FAM184A: variants seen among roughly 807,000 people sequenced by gnomAD.
FAM184A encodes the protein protein FAM184A.
A neutral mutation model predicts 143.8 loss-of-function variants in FAM184A; 99 were observed. The observed-to-expected ratio is 0.69, with a 90% confidence interval of 0.58 to 0.81. The LOEUF is 0.81. FAM184A is among the 40% of genes least tolerant of loss of function. FAM184A has a pLI of 0.00. For synonymous variants in FAM184A, 427 were observed against 446.4 expected (o/e 0.96, Z 0.55); for missense variants, 1,217 against 1,310.5 (o/e 0.93, Z 1.10).
intron 1 of FAM184A, among the ~76,000 whole-genome samples, chr6:119,040,873 C>A (rs1023765424): frequency 6.6e-6 from 1 of 152,132 alleles, no homozygotes; most frequent in East Asian, 1.9e-4. Flanking sequence ...TACCCCAAGC[C>A]GCAAGTCCTC....
rs769906116 is a variant in FAM184A, at chr6:119,024,238, A to T, written c.735T>A (p.Ile245=). The T allele has an allele frequency of 1.9e-6, 3 of 1,614,106 alleles. No individual in the cohort carries two copies. Among genetic ancestry groups the T allele is most frequent in the Non-Finnish European group, 2.5e-6 (3 of 1,180,022 alleles). The change falls in exon 2 of 18, where the codon ATT becomes ATA. Residue 245 remains isoleucine, a synonymous_variant. Transcript: ENST00000338891. The stretch of plus-strand genomic sequence containing the variant: ...TATTCAACTTGCCTTCATAATCCTC[A>T]ATTAGTTTCTTCCGTTCAAGTCTTA... ...EELRLERKKL[I]EDYEGKLNKA...
intron 1 of FAM184A, among the ~76,000 whole-genome samples, chr6:119,063,564 C>T (rs1787336581): frequency 6.6e-6 from 1 of 152,052 alleles, no homozygotes; most frequent in African/African-American, 2.4e-5. Context: ...CAGTTCAACC[C>T]CAGCTCTTCT....
At chr6:118,981,437 A>G (rs1359093381) in intron 9 of FAM184A, among the ~76,000 whole-genome samples, 1 of 152,180 alleles carries the variant, frequency 6.6e-6, no homozygotes, top group African/African-American at 2.4e-5. Flanking sequence ...TCTGCGGCCA[A>G]AAAAGCCAAT....
upstream of FAM184A, among the ~76,000 whole-genome samples, chr6:119,083,211 G>A (rs965523381): frequency 3.9e-5 from 6 of 152,224 alleles, no homozygotes; most frequent in East Asian, 1.9e-4. Flanking sequence ...CCCAGCCCAC[G>A]AAACCATTTT....
In FAM184A at chr6:119,078,131, C is replaced by T. The variant is rs746072463; in HGVS notation, c.159+10G>A. 1.3e-6 allele frequency: 2 copies of T among 1,580,044 alleles called. No individual in the cohort carries two copies. The highest frequency in any genetic ancestry group is 2.3e-5 in the East Asian group (1 of 42,824). ...GGGGTCGCCACCTGCCCCGTCGCTG[C>T]CCCCCTTACCTTGGTGAGCTGGGCG... On this transcript the variant is annotated intron_variant, in intron 1 of 17. Coordinates refer to ENST00000338891, the MANE Select transcript of FAM184A (RefSeq NM_024581.6). This position sits in a 1 kb window ranked among gnomAD's most constrained non-coding sequence, Gnocchi z 5.5.
At chr6:119,039,755 A>G (rs1038587962) in intron 1 of FAM184A, among the ~76,000 whole-genome samples, 2 of 152,184 alleles carry the variant, frequency 1.3e-5, no homozygotes, top group African/African-American at 4.8e-5. Context: ...TCTAAAAATG[A>G]TAATTCAGCA....
intron 9 of FAM184A, among the ~76,000 whole-genome samples, chr6:118,999,652 C>T (rs1198767289): frequency 4.6e-5 from 7 of 152,184 alleles, no homozygotes; most frequent in African/African-American, 1.7e-4. Context: ...CTATATTATA[C>T]TGTTTCTTGA....
intron 9 of FAM184A, among the ~76,000 whole-genome samples, chr6:118,983,132 G>A (rs1406753337): frequency 6.6e-6 from 1 of 152,126 alleles, no homozygotes; most frequent in Non-Finnish European, 1.5e-5. Flanking sequence ...GCTCAAGACA[G>A]TAATGTGAAT....
intron 5 of FAM184A, among the ~76,000 whole-genome samples, chr6:119,011,812 T>C (rs558752794): frequency 6.6e-6 from 1 of 152,292 alleles, no homozygotes; most frequent in East Asian, 1.9e-4. Flanking sequence ...AAATCAGTGG[T>C]CTAGCACTGG....
chr6:119,115,687 G>T (rs1262665149), intron 1 of FAM184A, among the ~76,000 whole-genome samples: 1 of 152,018 alleles, frequency 6.6e-6, no homozygotes, highest in Non-Finnish European at 1.5e-5. Context: ...ATATGGCAGG[G>T]TGTGGTGGCT....
intron 9 of FAM184A, among the ~76,000 whole-genome samples, chr6:118,984,872 G>C (rs1784144044): frequency 6.6e-6 from 1 of 152,128 alleles, no homozygotes; most frequent in African/African-American, 2.4e-5. Flanking sequence ...GATTTAGCAG[G>C]TCTGGAATTG....
chr6:119,141,845 GATAA>G (rs1451943930), intron 1 of FAM184A, among the ~76,000 whole-genome samples: 27 of 152,154 alleles, frequency 1.8e-4, no homozygotes, highest in Non-Finnish European at 3.8e-4. Flanking sequence ...GAAGCTGTGT[GATAA>G]ATATTCAGTA....
chr6:119,093,180 T>G (rs1452806045), intron 1 of FAM184A, among the ~76,000 whole-genome samples: 2 of 152,238 alleles, frequency 1.3e-5, no homozygotes, highest in Non-Finnish European at 2.9e-5. Context: ...ATGTTCCTTC[T>G]TACCTTTGTG....
intron 1 of FAM184A, among the ~76,000 whole-genome samples, chr6:119,127,036 GT>G (rs1350918610): frequency 1.3e-5 from 2 of 152,192 alleles, no homozygotes; most frequent in Non-Finnish European, 2.9e-5. Context: ...TGGGTCAGGG[GT>G]TTTTATGAGT....
At chr6:118,968,734 C>G (rs1179503129) in intron 14 of FAM184A, among the ~76,000 whole-genome samples, 1 of 152,130 alleles carries the variant, frequency 6.6e-6, no homozygotes. Flanking sequence ...AATTTAAAGC[C>G]TTATTTAAAA....
chr6:119,093,457 T>G (rs1279561159), intron 1 of FAM184A, among the ~76,000 whole-genome samples: 1 of 152,214 alleles, frequency 6.6e-6, no homozygotes, highest in Non-Finnish European at 1.5e-5. Context: ...TCCTATTCAA[T>G]TTAACACTTT....
chr6:119,100,816 AG>A (rs1788618939), intron 1 of FAM184A, among the ~76,000 whole-genome samples: 1 of 151,876 alleles, frequency 6.6e-6, no homozygotes, highest in South Asian at 2.1e-4. Flanking sequence ...AAAATTAGCC[AG>A]GTGTGGCAGC....
chr6:118,995,802 A>C (rs1407023603), intron 9 of FAM184A, among the ~76,000 whole-genome samples: 1 of 152,234 alleles, frequency 6.6e-6, no homozygotes, highest in African/African-American at 2.4e-5. Flanking sequence ...GTATCTCATC[A>C]CATGAAAGAG....
intron 9 of FAM184A, among the ~76,000 whole-genome samples, chr6:118,996,908 A>G (rs1784580751): frequency 7.1e-6 from 1 of 141,636 alleles, no homozygotes; most frequent in Non-Finnish European, 1.5e-5. Context: ...TACTTTTTGT[A>G]GAGACAGGGT....
Sources: allele counts gnomAD v4.1 joint callset (sites outside exome capture counted in the v4.1 genomes callset), GRCh38; gene constraint gnomAD v4.1.1; non-coding constraint Gnocchi (gnomAD v3.1); transcripts MANE v1.5; gene names NCBI Gene and HGNC (gene_info 2026-07-23, HGNC 2026-07-21).